Variants in NALCN observed in about 807,000 individuals in gnomAD.
NALCN encodes the protein sodium leak channel, non-selective.
Under a neutral mutation model 225.3 loss-of-function variants are expected in NALCN, and 111 were observed. That is an observed-to-expected ratio of 0.49 (90% CI 0.42 to 0.58). The LOEUF is 0.58. Ranked by LOEUF, NALCN falls within the 20% of genes least tolerant of loss-of-function variation. The pLI is 0.00. For missense variants in NALCN, 1,378 were observed against 2,202.4 expected, an observed-to-expected ratio of 0.63 and a Z score of 7.49; for synonymous variants, 764 against 769.0, an observed-to-expected ratio of 0.99 and a Z score of 0.11.
intron 40 of NALCN, among the ~76,000 whole-genome samples, chr13:101,064,751 C>T (rs765142588): frequency 1.3e-5 from 2 of 152,138 alleles, no homozygotes; most frequent in Non-Finnish European, 2.9e-5. Context: ...CCATCTCGGG[C>T]TTCCAGCATC....
intron 17 of NALCN, among the ~76,000 whole-genome samples, chr13:101,133,251 G>A (rs372533549): frequency 2.6e-5 from 4 of 152,106 alleles, no homozygotes; most frequent in African/African-American, 9.7e-5. Context: ...CACACCACAA[G>A]TATTATAAAT....
chr13:101,204,480 T>C (rs2040240798), intron 13 of NALCN, among the ~76,000 whole-genome samples: 1 of 152,176 alleles, frequency 6.6e-6, no homozygotes, highest in Non-Finnish European at 1.5e-5. Flanking sequence ...TAAGGAAAAG[T>C]CTTCTGAATC....
intron 12 of NALCN, among the ~76,000 whole-genome samples, chr13:101,235,040 A>G (rs1394434346): frequency 4.0e-5 from 6 of 151,708 alleles, no homozygotes; most frequent in Admixed American, 3.9e-4. Context: ...TTTCCATTTT[A>G]TAGGTATTTT....
At chr13:101,198,430 CA>C (rs2039977675) in intron 13 of NALCN, among the ~76,000 whole-genome samples, 2 of 152,062 alleles carry the variant, frequency 1.3e-5, no homozygotes, top group Non-Finnish European at 1.5e-5. Flanking sequence ...ACAATGAACT[CA>C]AACAAATTAT....
intron 39 of NALCN, 145 bp from the exon 40 acceptor site, chr13:101,065,706 G>A: frequency 1.0e-6 from 1 of 963,186 alleles, no homozygotes; most frequent in Non-Finnish European, 1.5e-6. Flanking sequence ...CCTCCTTGGA[G>A]CCTGGTAGAA....
intron 10 of NALCN, among the ~76,000 whole-genome samples, chr13:101,280,066 TTTAA>T (rs954466919): frequency 2.0e-5 from 3 of 152,120 alleles, no homozygotes; most frequent in African/African-American, 7.2e-5. Flanking sequence ...ATTCTTTTCT[TTTAA>T]TTAATTAATT....
chr13:101,207,715 G>A (rs541914365), intron 13 of NALCN, among the ~76,000 whole-genome samples: 3 of 149,896 alleles, frequency 2.0e-5, no homozygotes, highest in East Asian at 1.9e-4. Context: ...ACCAATCAGC[G>A]CTCTGTAAAA....
chr13:101,299,046 A>G (rs1211580470), intron 7 of NALCN, among the ~76,000 whole-genome samples: 1 of 152,236 alleles, frequency 6.6e-6, no homozygotes, highest in Non-Finnish European at 1.5e-5. Flanking sequence ...TCTTCTTTAA[A>G]GATTTTTGAA....
At chr13:101,251,649 A>G (rs955520274) in intron 11 of NALCN, among the ~76,000 whole-genome samples, 1 of 152,198 alleles carries the variant, frequency 6.6e-6, no homozygotes, top group Admixed American at 6.5e-5. Context: ...AAGGAAAAAT[A>G]ACCATAGAAA....
chr13:101,128,507 TAA>T (rs1387630228), intron 17 of NALCN, among the ~76,000 whole-genome samples: 1 of 152,172 alleles, frequency 6.6e-6, no homozygotes, highest in Admixed American at 6.5e-5. Context: ...TTTTTCCCCT[TAA>T]AATAGAGAAA....
At chr13:101,376,592 G>A (rs2046698456) in intron 6 of NALCN, 108 bp downstream of exon 6, 2 of 1,064,318 alleles carry the variant, frequency 1.9e-6, no homozygotes, top group Non-Finnish European at 2.7e-6. Context: ...GAACAAAGAG[G>A]ACATAAGCAC....
At chr13:101,345,693 T>A (rs1433267840) in intron 6 of NALCN, among the ~76,000 whole-genome samples, 2 of 140,682 alleles carry the variant, frequency 1.4e-5, no homozygotes, top group Non-Finnish European at 3.0e-5. Flanking sequence ...TATCTATCTA[T>A]CTATCTATCT....
intron 15 of NALCN, among the ~76,000 whole-genome samples, chr13:101,166,558 T>C (rs2038447789): frequency 6.6e-6 from 1 of 152,150 alleles, no homozygotes. Flanking sequence ...AGCTTAAGTA[T>C]TTTGCCTATT....
chr13:101,279,718 GA>G (rs2043086774), intron 10 of NALCN, among the ~76,000 whole-genome samples: 3 of 149,212 alleles, frequency 2.0e-5, no homozygotes, highest in Non-Finnish European at 4.5e-5. Flanking sequence ...TTGGGAGGCT[GA>G]GGCAGGAGAA....
chr13:101,411,367 G>A (rs980843982), intron 1 of NALCN, among the ~76,000 whole-genome samples: 6 of 142,590 alleles, frequency 4.2e-5, no homozygotes, highest in Admixed American at 3.6e-4. Context: ...TTTTTGAGAC[G>A]GAGTCTTGCC....
intron 3 of NALCN, among the ~76,000 whole-genome samples, chr13:101,382,897 A>G (rs61973728): frequency 0.21 from 31,481 of 152,166 alleles, 3,861 homozygotes; most frequent in Non-Finnish European, 0.28. Context: ...GTGGTCAATC[A>G]GAATTGACCT....
chr13:101,215,404 G>A (rs1470690475), intron 13 of NALCN, among the ~76,000 whole-genome samples: 1 of 152,124 alleles, frequency 6.6e-6, no homozygotes, highest in Non-Finnish European at 1.5e-5. Context: ...TACCACAAAC[G>A]AAGCAGCTTA....
chr13:101,078,690 A>C (rs2033426265), intron 34 of NALCN, among the ~76,000 whole-genome samples: 1 of 152,178 alleles, frequency 6.6e-6, no homozygotes. Flanking sequence ...CTGTTCTCAG[A>C]TAAGACTTTG....
intron 11 of NALCN, among the ~76,000 whole-genome samples, chr13:101,238,458 T>G (rs1461178201): frequency 6.6e-6 from 1 of 151,964 alleles, no homozygotes. Flanking sequence ...TAAATCAATA[T>G]GTTACTTTAA....
Sources: gnomAD v4.1 joint callset for allele counts (sites outside exome capture counted in the v4.1 genomes callset) on GRCh38, gnomAD v4.1.1 for gene constraint, MANE v1.5 for transcripts, NCBI Gene and HGNC (gene_info 2026-07-23, HGNC 2026-07-21) for gene names.